The following GABRA2 variants were observed in gnomAD, a reference collection of about 807,000 sequenced individuals.
GABRA2 encodes gamma-aminobutyric acid receptor subunit alpha-2.
GABRA2 carries 16 observed loss-of-function variants against 48.7 expected under a neutral mutation model. That is an observed-to-expected ratio of 0.33 (90% confidence interval 0.22 to 0.50). The LOEUF (loss-of-function observed/expected upper bound fraction) is 0.50, where lower values mean the gene tolerates loss of function less well. Among genes scored for constraint, GABRA2 ranks in the 20% least tolerant of loss-of-function variants. The probability of loss-of-function intolerance (pLI) is 0.98; values close to 1 mark genes in which losing one functional copy is unlikely to be tolerated. For missense variants in GABRA2, 275 were observed against 535.6 expected (o/e 0.51, Z 4.80); for synonymous variants, 185 against 184.5 (o/e 1.00, Z -0.02).
chr4:46,280,943 G>A (rs1721414850), intron 8 of GABRA2, among the ~76,000 whole-genome samples: 1 of 152,194 alleles, frequency 6.6e-6, no homozygotes, highest in Non-Finnish European at 1.5e-5. Flanking sequence ...AAGCTGGAAA[G>A]ACAGCCCTCA....
At chr4:46,279,133 T>C (rs1721039963) in intron 8 of GABRA2, among the ~76,000 whole-genome samples, 1 of 152,134 alleles carries the variant, frequency 6.6e-6, no homozygotes, top group African/African-American at 2.4e-5. Context: ...AGTCAGCTAA[T>C]CAATTGCAAT....
intron 8 of GABRA2, among the ~76,000 whole-genome samples, chr4:46,292,164 T>A (rs1723791350): frequency 6.6e-6 from 1 of 152,098 alleles, no homozygotes; most frequent in African/African-American, 2.4e-5. Flanking sequence ...AAGAAGTTGG[T>A]TGGCTGCTCC....
chr4:46,293,060 G>C (rs997255321), intron 8 of GABRA2, among the ~76,000 whole-genome samples: 1 of 152,160 alleles, frequency 6.6e-6, no homozygotes, highest in Non-Finnish European at 1.5e-5. Flanking sequence ...GCAGCTATCA[G>C]AATAATCTGA....
In GABRA2 at chr4:46,390,047, G is replaced by C; in HGVS notation, c.-323C>G. On this transcript the variant is annotated 5_prime_UTR_variant, in exon 1 of 10. Transcript: ENST00000381620. ...GAGGAGGGGGAAAACGATGACAGGAGCTGGGGCCGGGGGGGGAAATTGGGG... is the reference window on the plus strand; with the variant it reads ...GAGGAGGGGGAAAACGATGACAGGACCTGGGGCCGGGGGGGGAAATTGGGG... 1 of 200,204 alleles carries C rather than the reference G, an allele frequency of 5.0e-6. No homozygotes were observed. Among genetic ancestry groups the C allele is most frequent in the Non-Finnish European group, 7.5e-6 (1 of 133,656 alleles). 12.4% of individuals were successfully genotyped at this position (200,204 alleles called of 1,614,324 possible).
chr4:46,275,382 T>C (rs187483707), intron 8 of GABRA2, among the ~76,000 whole-genome samples: 5 of 152,250 alleles, frequency 3.3e-5, no homozygotes, highest in Admixed American at 2.6e-4. Context: ...AAGAAATCTA[T>C]TGTGATTCAC....
chr4:46,354,031 A>T (rs963262247), intron 3 of GABRA2, among the ~76,000 whole-genome samples: 2 of 152,202 alleles, frequency 1.3e-5, no homozygotes, highest in Non-Finnish European at 2.9e-5. Context: ...TTTATGAAGA[A>T]TTAATAAAAA....
At chr4:46,375,890 A>G (rs1179092193) in intron 3 of GABRA2, among the ~76,000 whole-genome samples, 1 of 152,224 alleles carries the variant, frequency 6.6e-6, no homozygotes, top group Non-Finnish European at 1.5e-5. Flanking sequence ...GAAACAGTTG[A>G]ATGAATGAGC....
chr4:46,337,428 G>A (rs967948934), intron 3 of GABRA2, among the ~76,000 whole-genome samples: 2 of 152,016 alleles, frequency 1.3e-5, no homozygotes, highest in Non-Finnish European at 2.9e-5. Context: ...TGTAAAGAAA[G>A]GCAGAGTTGT....
At chr4:46,263,746 G>T (rs1241081534) in intron 8 of GABRA2, among the ~76,000 whole-genome samples, 1 of 151,996 alleles carries the variant, frequency 6.6e-6, no homozygotes, top group Non-Finnish European at 1.5e-5. Context: ...ATTTCTGTAT[G>T]TTGTTATGGT....
In GABRA2 at chr4:46,258,135, GA is replaced by G. The variant is rs1370004682; in HGVS notation, c.1059+3790del. Among the ~76,000 whole-genome samples the G allele has an allele frequency of 4.6e-5, 7 of 151,682 alleles. No individual in the cohort carries two copies. The Admixed American group carries it at 4.6e-4, about 10-fold the overall frequency. ...GTTATCAATAATGACCTTGAATAGTGAAATGAAGGCATGGGTTTTAAATTTT... is the reference window on the plus strand; with the variant it reads ...GTTATCAATAATGACCTTGAATAGTGAATGAAGGCATGGGTTTTAAATTTT... On this transcript the variant is annotated intron_variant, in intron 9 of 9. Transcript: ENST00000381620.
intron 3 of GABRA2, among the ~76,000 whole-genome samples, chr4:46,371,096 A>G (rs1578199725): frequency 1.3e-5 from 2 of 152,178 alleles, no homozygotes; most frequent in South Asian, 2.1e-4. Flanking sequence ...ATACTCTAGT[A>G]TACAGCTTTG....
At chr4:46,294,750 T>A (rs540837190) in intron 8 of GABRA2, among the ~76,000 whole-genome samples, 10 of 152,330 alleles carry the variant, frequency 6.6e-5, no homozygotes, top group African/African-American at 2.4e-4. Flanking sequence ...ACTACTCTTT[T>A]TTTTTGAGAG....
At chr4:46,344,961 G>A (rs566250732) in intron 3 of GABRA2, among the ~76,000 whole-genome samples, 31 of 151,926 alleles carry the variant, frequency 2.0e-4, no homozygotes, top group African/African-American at 7.0e-4. Context: ...ATATGGGTTG[G>A]CTCTGTGTCC....
rs753040126 is a variant in GABRA2, at chr4:46,332,652, T to C, written c.218A>G (p.Tyr73Cys). The C allele has an allele frequency of 6.3e-7, 1 of 1,596,100 alleles. No individual in the cohort carries two copies. The highest frequency in any genetic ancestry group is 8.6e-7 in the Non-Finnish European group (1 of 1,163,852). ...DSITEVFTNI[Y>C]VTSFGPVSDT... ...TGAGACAGGGCCAAAACTGGTCACG[T>C]AGATGTTAGTGAAGACTTCAGTAAT... The change falls in exon 4 of 10, where the codon TAC becomes TGC. Residue 73 changes from tyrosine (Y) to cysteine (C), a missense_variant. Physicochemically the swap from Tyr to Cys is radical, Grantham distance 194 (BLOSUM62 -2). Transcript: ENST00000381620.
chr4:46,367,237 G>A (rs1189349576), intron 3 of GABRA2: 2 of 152,074 alleles, frequency 1.3e-5, no homozygotes, highest in Non-Finnish European at 2.9e-5. Flanking sequence ...GAAAAAAATT[G>A]ATTGTTGAAT....
intron 8 of GABRA2, among the ~76,000 whole-genome samples, chr4:46,299,350 C>T (rs1725316488): frequency 6.6e-6 from 1 of 151,678 alleles, no homozygotes; most frequent in African/African-American, 2.4e-5. Context: ...ATTTCTGATG[C>T]ATGTTGTGTT....
Position 46,258,145 on chromosome 4 carries a change from CA to C in GABRA2, c.1059+3780del, listed in dbSNP as rs1716218108. 2.6e-5 allele frequency among the ~76,000 whole-genome samples: 4 copies of C among 151,740 alleles called. No homozygotes were observed. In the South Asian group the frequency reaches 8.3e-4, roughly 31 times the overall value. ...ATGACCTTGAATAGTGAAATGAAGGCATGGGTTTTAAATTTTGATTGGGTAA... is the reference window on the plus strand; with the variant it reads ...ATGACCTTGAATAGTGAAATGAAGGCTGGGTTTTAAATTTTGATTGGGTAA... On this transcript the variant is annotated intron_variant, in intron 9 of 9. Transcript: ENST00000381620.
rs901403741 is a variant in GABRA2 at position 46,245,946 on chromosome 4, G to A, written c.*4362C>T. Among the ~76,000 whole-genome samples the A allele has an allele frequency of 2.6e-5, 4 of 151,132 alleles. No individual in the cohort carries two copies. Among genetic ancestry groups the A allele is most frequent in the Admixed American group, 6.6e-5 (1 of 15,098 alleles). ...TAGAATATTTCAACTTAACAAGATG[G>A]AAGACACAGTGGTCTAGATATGTTG... On this transcript the variant is annotated 3_prime_UTR_variant, in exon 10 of 10. Coordinates refer to ENST00000381620, the MANE Select transcript of GABRA2 (RefSeq NM_000807.4).
intron 4 of GABRA2, among the ~76,000 whole-genome samples, chr4:46,317,189 T>C (rs1728690355): frequency 6.6e-6 from 1 of 151,830 alleles, no homozygotes; most frequent in South Asian, 2.1e-4. Context: ...TCAATGAAAG[T>C]CACATGAGTC....
Sources: gnomAD v4.1 joint callset for allele counts (sites outside exome capture counted in the v4.1 genomes callset) on GRCh38, gnomAD v4.1.1 for gene constraint, MANE v1.5 for transcripts, NCBI Gene and HGNC (gene_info 2026-07-23, HGNC 2026-07-21) for gene names.